The following NXPH1 variants were observed in gnomAD, a reference collection of about 807,000 sequenced individuals.
The protein encoded by NXPH1 is neurexophilin 1, also known as neurexophilin-1.
Under a neutral mutation model 23.7 loss-of-function variants are expected in NXPH1, and 5 were observed. The ratio of observed to expected loss-of-function variants is 0.21; its 90% confidence interval spans 0.11 to 0.44. The LOEUF (loss-of-function observed/expected upper bound fraction) is 0.44. NXPH1 is among the 20% of genes least tolerant of loss of function. The pLI is 0.99. For synonymous variants in NXPH1, 144 were observed against 122.2 expected, an observed-to-expected ratio of 1.18 and a Z score of -1.18; for missense variants, 324 against 321.6, an observed-to-expected ratio of 1.01 and a Z score of -0.06.
At chr7:8,575,009 C>T (rs114981810) in intron 2 of NXPH1, among the ~76,000 whole-genome samples, 63 of 152,258 alleles carry the variant, frequency 4.1e-4, no homozygotes, top group African/African-American at 1.3e-3. Flanking sequence ...TAGCATTCGT[C>T]GGAGACGTTC....
intron 2 of NXPH1, among the ~76,000 whole-genome samples, chr7:8,559,819 G>T (rs1047264198): frequency 1.3e-5 from 2 of 151,686 alleles, no homozygotes; most frequent in Non-Finnish European, 3.0e-5. Flanking sequence ...GAGTCTTCAT[G>T]ATGTCACCAA....
intron 2 of NXPH1, among the ~76,000 whole-genome samples, chr7:8,694,116 A>G (rs1006804696): frequency 1.1e-4 from 16 of 152,232 alleles, no homozygotes; most frequent in African/African-American, 2.4e-5. Context: ...TAGGACACTC[A>G]TGATGATCTG....
rs577878812 is a variant in NXPH1 at position 8,483,094 on chromosome 7, C to G, written c.54+47327C>G. Among the ~76,000 whole-genome samples the G allele has an allele frequency of 7.9e-5, 12 of 152,246 alleles. No individual in the cohort carries two copies. The East Asian group carries it at 9.7e-4, about 12-fold the overall frequency. On this transcript the variant is annotated intron_variant, in intron 2 of 2. Coordinates refer to ENST00000405863, the MANE Select transcript of NXPH1 (RefSeq NM_152745.3). ...TAATACATTGCAAATTCCTGCTTCT[C>G]TATTTCCTAGACTTACAGTAACAGT...
At chr7:8,727,950 T>C (rs1043033598) in intron 2 of NXPH1, among the ~76,000 whole-genome samples, 2 of 151,908 alleles carry the variant, frequency 1.3e-5, no homozygotes, top group Non-Finnish European at 1.5e-5. Context: ...TTTCATGATA[T>C]TGATTCTTCC....
At chr7:8,731,601 T>A (rs1780154995) in intron 2 of NXPH1, among the ~76,000 whole-genome samples, 1 of 152,166 alleles carries the variant, frequency 6.6e-6, no homozygotes, top group South Asian at 2.1e-4. Context: ...TACTCGGCTG[T>A]GTGAGGTGTC....
In NXPH1 at chr7:8,442,444, C is replaced by A. The variant is rs1287455099; in HGVS notation, c.54+6677C>A. Among the ~76,000 whole-genome samples the A allele has an allele frequency of 6.6e-6, 1 of 152,178 alleles. No homozygotes were observed. Among genetic ancestry groups the A allele is most frequent in the African/African-American group, 2.4e-5 (1 of 41,448 alleles). On this transcript the variant is annotated intron_variant, in intron 2 of 2. Coordinates refer to ENST00000405863, the MANE Select transcript of NXPH1 (RefSeq NM_152745.3). The surrounding 1 kb of genome is among the most constrained non-coding windows in gnomAD (Gnocchi z 4.6). Reference sequence around the variant, plus strand: ...CTGAAGCGAAGGATCCTAGCTGCCGCGGCTAAGGGCGCAGGGGGAGGCCGC... The same window carrying A: ...CTGAAGCGAAGGATCCTAGCTGCCGAGGCTAAGGGCGCAGGGGGAGGCCGC...
At position 8,655,416 on chromosome 7, in the gene NXPH1, C is replaced by G. The variant is rs1472312801; in HGVS notation, c.55-95592C>G. On this transcript the variant is annotated intron_variant, in intron 2 of 2. Transcript: ENST00000405863. ...TCTTTGTCTTTCTCTCTCTCTCTCT[C>G]TCTCTCTCTCTCTCTCTCTCTCTCT... Among the ~76,000 whole-genome samples, 25 of 13,030 alleles carry G rather than the reference C, an allele frequency of 1.9e-3. 1 individual carries two copies. Among genetic ancestry groups the G allele is most frequent in the Non-Finnish European group, 1.8e-4 (1 of 5,502 alleles). The allele number at this position is 13,030 out of a possible 152,430, so 8.5% of individuals were successfully genotyped here. A position where few individuals can be genotyped will look rare whatever the true frequency, so the allele number is the denominator to read the frequency against.
intron 2 of NXPH1, among the ~76,000 whole-genome samples, chr7:8,472,121 C>G (rs1223039943): frequency 6.6e-6 from 1 of 151,954 alleles, no homozygotes; most frequent in Non-Finnish European, 1.5e-5. Context: ...TCTTTTTGTG[C>G]TAAGGATATA....
At chr7:8,583,263 T>G (rs1365353955) in intron 2 of NXPH1, among the ~76,000 whole-genome samples, 1 of 152,200 alleles carries the variant, frequency 6.6e-6, no homozygotes, top group Non-Finnish European at 1.5e-5. Context: ...AACCATCTAC[T>G]ATAGGTAGAC....
intron 2 of NXPH1, among the ~76,000 whole-genome samples, chr7:8,678,918 G>C (rs1483501375): frequency 2.2e-5 from 2 of 92,482 alleles, no homozygotes; most frequent in Non-Finnish European, 4.5e-5. Context: ...ATTTATCTTT[G>C]CTTTATCCAA....
chr7:8,465,635 GCAA>G (rs768162144), intron 2 of NXPH1, among the ~76,000 whole-genome samples: 40 of 152,302 alleles, frequency 2.6e-4, no homozygotes, highest in South Asian at 1.7e-3. Context: ...TTGGCTGTTA[GCAA>G]CAACATCCAT....
At chr7:8,612,635 T>C (rs1274297156) in intron 2 of NXPH1, among the ~76,000 whole-genome samples, 1 of 152,046 alleles carries the variant, frequency 6.6e-6, no homozygotes, top group East Asian at 1.9e-4. Context: ...AAAGAGAATA[T>C]TTAAAAGATT....
At chr7:8,511,739 G>A (rs1232978854) in intron 2 of NXPH1, among the ~76,000 whole-genome samples, 1 of 152,098 alleles carries the variant, frequency 6.6e-6, no homozygotes, top group Non-Finnish European at 1.5e-5. Context: ...TTTCTGTTCT[G>A]ATGCTGAATT....
At chr7:8,568,384 A>G (rs1818584802) in intron 2 of NXPH1, among the ~76,000 whole-genome samples, 1 of 151,862 alleles carries the variant, frequency 6.6e-6, no homozygotes, top group African/African-American at 2.4e-5. Context: ...CTTTCTGCAA[A>G]TATTTTAAAT....
At chr7:8,458,804 T>C (rs145877191) in intron 2 of NXPH1, among the ~76,000 whole-genome samples, 31 of 152,302 alleles carry the variant, frequency 2.0e-4, no homozygotes, top group Admixed American at 1.4e-3. Flanking sequence ...CATAACTTCA[T>C]AGAGTAGGAA....
chr7:8,658,606 T>C (rs1820618489), intron 2 of NXPH1, among the ~76,000 whole-genome samples: 1 of 152,228 alleles, frequency 6.6e-6, no homozygotes, highest in Non-Finnish European at 1.5e-5. Flanking sequence ...TGGCTTTGAT[T>C]TGTAAGTTAT....
chr7:8,635,976 T>C lies in NXPH1; in HGVS notation c.55-115032T>C, dbSNP rs1444776673. 2.6e-5 allele frequency among the ~76,000 whole-genome samples: 4 copies of C among 152,320 alleles called. No individual in the cohort carries two copies. In the South Asian group the frequency reaches 6.2e-4, roughly 24 times the overall value. On this transcript the variant is annotated intron_variant, in intron 2 of 2. Coordinates refer to ENST00000405863, the MANE Select transcript of NXPH1 (RefSeq NM_152745.3). ...CAGGAAATATGATGCTTAAAGGTAA[T>C]GTCTTTCACTACACCCACTGAAGGT...
At chr7:8,701,714 C>G (rs1779625780) in intron 2 of NXPH1, among the ~76,000 whole-genome samples, 1 of 151,994 alleles carries the variant, frequency 6.6e-6, no homozygotes, top group Admixed American at 6.6e-5. Flanking sequence ...ATTTTGTATC[C>G]TCAGAACCTA....
At chr7:8,685,365 T>G (rs1433692968) in intron 2 of NXPH1, among the ~76,000 whole-genome samples, 1 of 152,090 alleles carries the variant, frequency 6.6e-6, no homozygotes, top group African/African-American at 2.4e-5. Flanking sequence ...TTTTTATCTT[T>G]CTGTGCCTGG....
Sources: allele counts gnomAD v4.1 joint callset (sites outside exome capture counted in the v4.1 genomes callset), GRCh38; gene constraint gnomAD v4.1.1; non-coding constraint Gnocchi (gnomAD v3.1); transcripts MANE v1.5; gene names NCBI Gene and HGNC (gene_info 2026-07-23, HGNC 2026-07-21).